CDH13: variants seen among roughly 807,000 people sequenced by gnomAD.
CDH13 encodes cadherin 13.
Under a neutral mutation model 63.8 loss-of-function variants are expected in CDH13, and 24 were observed. The observed-to-expected ratio is 0.38, with a 90% CI of 0.27 to 0.53. CDH13 has a LOEUF of 0.53. Among genes scored for constraint, CDH13 ranks in the 20% least tolerant of loss-of-function variants. CDH13 has a pLI of 0.85. For missense variants in CDH13, 1,049 were observed against 903.1 expected (o/e 1.16, Z -2.07); for synonymous variants, 503 against 355.3 (o/e 1.42, Z -4.67).
chr16:82,729,043 A>G lies in CDH13; in HGVS notation c.45+101906A>G, dbSNP rs191335154. Among the ~76,000 whole-genome samples the G allele has an allele frequency of 2.0e-3, 297 of 152,302 alleles. 1 individual carries two copies. Among genetic ancestry groups the G allele is most frequent in the Non-Finnish European group, 3.1e-3 (211 of 68,020 alleles). On this transcript the variant is annotated intron_variant, in intron 1 of 13. Transcript: ENST00000567109. ...CATGAGATTTCAGCAATTCAGTCAC[A>G]TCTTCAGGCTCTATTTCTAATTATA...
At chr16:83,396,457 C>G (rs2091888379) in intron 6 of CDH13, 1 of 152,232 alleles carries the variant, frequency 6.6e-6, no homozygotes, top group Non-Finnish European at 1.5e-5. Flanking sequence ...AGGAGTCCCT[C>G]TTTCCTCTCT....
chr16:83,184,089 A>AACACACACAC (rs10656475), intron 4 of CDH13, among the ~76,000 whole-genome samples: 200 of 131,610 alleles, frequency 1.5e-3, no homozygotes, highest in East Asian at 0.013. Context: ...CTAGAGGTTA[A>AACACACACAC]ACACACACAC....
intron 11 of CDH13, among the ~76,000 whole-genome samples, chr16:83,756,672 A>T (rs1219922804): frequency 1.3e-5 from 2 of 152,254 alleles, no homozygotes; most frequent in African/African-American, 2.4e-5. Flanking sequence ...CCCCTGTTTA[A>T]AACAAGAAAC....
At chr16:83,168,883 G>C (rs58091688) in intron 4 of CDH13, among the ~76,000 whole-genome samples, 7,274 of 152,038 alleles carry the variant, frequency 0.048, 573 homozygotes, top group African/African-American at 0.17. Flanking sequence ...AACATCTCAT[G>C]GACTCTCAAT....
chr16:82,806,419 C>T (rs1417121280), intron 1 of CDH13, among the ~76,000 whole-genome samples: 1 of 152,130 alleles, frequency 6.6e-6, no homozygotes, highest in African/African-American at 2.4e-5. Context: ...ATTTGAAATA[C>T]AAGAATGTGG....
intron 2 of CDH13, among the ~76,000 whole-genome samples, chr16:82,864,286 G>A (rs946523460): frequency 5.9e-5 from 9 of 152,138 alleles, no homozygotes; most frequent in Non-Finnish European, 8.8e-5. Flanking sequence ...GAGAGTGAGT[G>A]TTTCTAGATA....
At chr16:83,188,233 T>C (rs2038586656) in intron 4 of CDH13, among the ~76,000 whole-genome samples, 2 of 151,892 alleles carry the variant, frequency 1.3e-5, no homozygotes. Context: ...TAGAATAGAG[T>C]GTGGATGGGG....
At chr16:83,211,170 A>G (rs2039328584) in intron 4 of CDH13, among the ~76,000 whole-genome samples, 1 of 151,842 alleles carries the variant, frequency 6.6e-6, no homozygotes, top group African/African-American at 2.4e-5. Context: ...AAAAGGTACT[A>G]GAAAAACTGA....
chr16:83,710,474 C>G (rs999927447), intron 10 of CDH13: 1 of 152,038 alleles, frequency 6.6e-6, no homozygotes, highest in Non-Finnish European at 1.5e-5. Context: ...TGCATGCTGG[C>G]CTTCTGCATT....
chr16:83,441,082 A>G (rs1344845276), intron 6 of CDH13, among the ~76,000 whole-genome samples: 5 of 152,238 alleles, frequency 3.3e-5, no homozygotes. Flanking sequence ...GATGTTTACA[A>G]CAGCAGAAAA....
At chr16:82,848,235 G>C (rs930874487) in intron 1 of CDH13, among the ~76,000 whole-genome samples, 2 of 152,208 alleles carry the variant, frequency 1.3e-5, no homozygotes, top group African/African-American at 4.8e-5. Context: ...TTATCTTGAA[G>C]CTATAGATAA....
intron 6 of CDH13, among the ~76,000 whole-genome samples, chr16:83,414,981 G>C (rs2092179318): frequency 6.6e-6 from 1 of 151,858 alleles, no homozygotes; most frequent in African/African-American, 2.4e-5. Flanking sequence ...TAGAAAAGTT[G>C]GTTTTTTGAA....
intron 3 of CDH13, among the ~76,000 whole-genome samples, chr16:83,098,917 T>C (rs2034337312): frequency 6.6e-6 from 1 of 152,224 alleles, no homozygotes; most frequent in Non-Finnish European, 1.5e-5. Context: ...GGTTGTTCCT[T>C]ATTTGAGCCT....
chr16:82,659,484 A>G (rs1911681523), intron 1 of CDH13, among the ~76,000 whole-genome samples: 1 of 152,214 alleles, frequency 6.6e-6, no homozygotes, highest in Non-Finnish European at 1.5e-5. Context: ...CCATTCTCAA[A>G]TGGAAATTGG....
chr16:83,311,998 G>C (rs1286377896), intron 5 of CDH13, among the ~76,000 whole-genome samples: 1 of 151,360 alleles, frequency 6.6e-6, no homozygotes, highest in Non-Finnish European at 1.5e-5. Context: ...ACTTGAACCC[G>C]GGAGGCGGAA....
At chr16:83,376,196 T>C (rs2091456768) in intron 6 of CDH13, among the ~76,000 whole-genome samples, 1 of 152,202 alleles carries the variant, frequency 6.6e-6, no homozygotes, top group Non-Finnish European at 1.5e-5. Flanking sequence ...CATAAAAGTA[T>C]TGTTCCCATG....
At chr16:83,768,707 G>T (rs1320325759) in intron 11 of CDH13, among the ~76,000 whole-genome samples, 1 of 152,092 alleles carries the variant, frequency 6.6e-6, no homozygotes, top group Non-Finnish European at 1.5e-5. Context: ...CCCCTTTTTA[G>T]ACCATATAGG....
chr16:83,713,714 C>T (rs1908439326), intron 10 of CDH13, among the ~76,000 whole-genome samples: 1 of 151,980 alleles, frequency 6.6e-6, no homozygotes, highest in Admixed American at 6.6e-5. Context: ...TGGTTTTAAC[C>T]AGAACTCGAT....
intron 1 of CDH13, among the ~76,000 whole-genome samples, chr16:82,821,290 GA>G (rs140888548): frequency 0.042 from 6,329 of 152,282 alleles, 403 homozygotes; most frequent in African/African-American, 0.14. Context: ...TAAGGCAAAT[GA>G]GTAAGTGTTC....
Sources: allele counts gnomAD v4.1 joint callset (sites outside exome capture counted in the v4.1 genomes callset), GRCh38; gene constraint gnomAD v4.1.1; transcripts MANE v1.5; gene names NCBI Gene and HGNC (gene_info 2026-07-23, HGNC 2026-07-21).